GRM8: variants seen among roughly 807,000 people sequenced by gnomAD.
The protein encoded by GRM8 is metabotropic glutamate receptor 8.
A neutral mutation model predicts 87.2 loss-of-function variants in GRM8; 47 were observed. The ratio of observed to expected loss-of-function variants is 0.54; its 90% confidence interval spans 0.43 to 0.69. GRM8 has a LOEUF of 0.69. Among genes scored for constraint, GRM8 ranks in the 30% least tolerant of loss-of-function variants. GRM8 has a pLI of 0.00. For missense variants in GRM8, 1,019 were observed against 1,139.2 expected (o/e 0.89, Z 1.52); for synonymous variants, 396 against 404.5 (o/e 0.98, Z 0.25).
chr7:126,932,480 G>A (rs1805862768), intron 3 of GRM8, among the ~76,000 whole-genome samples: 1 of 152,158 alleles, frequency 6.6e-6, no homozygotes, highest in Non-Finnish European at 1.5e-5. Flanking sequence ...ACGTTCCTGT[G>A]TATCCATGGT....
chr7:126,475,994 C>A (rs183917071), intron 9 of GRM8, among the ~76,000 whole-genome samples: 16 of 152,146 alleles, frequency 1.1e-4, no homozygotes, highest in Admixed American at 8.5e-4. Flanking sequence ...TGACCTGAAA[C>A]CTTAAAACTC....
chr7:126,528,734 G>A (rs149579043), intron 9 of GRM8, among the ~76,000 whole-genome samples: 2 of 152,134 alleles, frequency 1.3e-5, no homozygotes, highest in African/African-American at 4.8e-5. Context: ...GAACAGGGCT[G>A]GGGGTGATGG....
intron 6 of GRM8, among the ~76,000 whole-genome samples, chr7:126,841,927 C>T (rs952018044): frequency 1.3e-5 from 2 of 152,156 alleles, no homozygotes; most frequent in African/African-American, 2.4e-5. Flanking sequence ...CCACCGTGAC[C>T]GGCCCCAGCC....
At chr7:126,735,882 C>T (rs771256246) in intron 7 of GRM8, among the ~76,000 whole-genome samples, 63 of 152,072 alleles carry the variant, frequency 4.1e-4, no homozygotes, top group Admixed American at 2.4e-3. Flanking sequence ...AGCTGGAAGC[C>T]GAAGCAGGGA....
Position 126,685,206 on chromosome 7 carries a change from A to G in GRM8, c.1358-75708T>C, listed in dbSNP as rs531627017. On this transcript the variant is annotated intron_variant, in intron 7 of 10. Transcript: ENST00000339582. This position sits in a 1 kb window ranked among gnomAD's most constrained non-coding sequence, Gnocchi z 4.2. ...AGTCCCTAGAGACTTCCCCTGGGGG[A>G]CCCCCTGGAGCCTACCACCCTGGGG... 3.3e-4 allele frequency among the ~76,000 whole-genome samples: 50 copies of G among 151,882 alleles called. No homozygotes were observed. The highest frequency in any genetic ancestry group is 9.4e-4 in the African/African-American group (39 of 41,414).
At chr7:126,672,395 A>C (rs2151308951) in intron 7 of GRM8, among the ~76,000 whole-genome samples, 1 of 152,284 alleles carries the variant, frequency 6.6e-6, no homozygotes, top group Admixed American at 6.5e-5. Flanking sequence ...CCCTTTTTCT[A>C]GATGGGTAGC....
intron 2 of GRM8, among the ~76,000 whole-genome samples, chr7:127,238,134 G>A (rs1798081764): frequency 1.3e-5 from 2 of 152,058 alleles, no homozygotes; most frequent in African/African-American, 2.4e-5. Context: ...CTGAGGTGTC[G>A]TTTATACCTC....
intron 2 of GRM8, among the ~76,000 whole-genome samples, chr7:127,114,554 A>G (rs1171616633): frequency 6.6e-6 from 1 of 152,156 alleles, no homozygotes; most frequent in Non-Finnish European, 1.5e-5. Context: ...TCCTCTCACA[A>G]ACACAGAGCA....
intron 2 of GRM8, among the ~76,000 whole-genome samples, chr7:127,167,787 C>T (rs566987732): frequency 1.4e-4 from 21 of 152,188 alleles, no homozygotes; most frequent in African/African-American, 4.6e-4. Flanking sequence ...CCCTCAGACA[C>T]AAGATTAAAA....
At chr7:127,057,940 A>T (rs533407121) in intron 3 of GRM8, 2 of 216,678 alleles carry the variant, frequency 9.2e-6, no homozygotes, top group African/African-American at 2.4e-5. Context: ...ATACAAATTT[A>T]AAAAGAGCCA....
At chr7:127,014,521 G>T (rs142928354) in intron 3 of GRM8, among the ~76,000 whole-genome samples, 39 of 152,152 alleles carry the variant, frequency 2.6e-4, no homozygotes, top group African/African-American at 9.4e-4. Context: ...TAAACTCTCA[G>T]TGCCTCAGTT....
chr7:126,594,400 T>C (rs765852852), intron 8 of GRM8, among the ~76,000 whole-genome samples: 1 of 152,016 alleles, frequency 6.6e-6, no homozygotes, highest in Non-Finnish European at 1.5e-5. Flanking sequence ...GGAATACTGT[T>C]TATCCATAAA....
chr7:126,544,548 T>C (rs1331454719), intron 8 of GRM8, among the ~76,000 whole-genome samples: 1 of 152,022 alleles, frequency 6.6e-6, no homozygotes, highest in Admixed American at 6.6e-5. Flanking sequence ...TCTCACTCTG[T>C]TGCCCAGGCT....
chr7:126,533,168 T>C lies in GRM8; in HGVS notation c.2214A>G (p.Gly738=). The part of the protein sequence containing the change: ...QRTLDPEKAR[G]VLKCDISDLS... ...GATCAGAAATGTCACACTTGAGCACTCCCCTGGCCTTCTCTGGATCTAGTG... is the reference window on the plus strand; with the variant it reads ...GATCAGAAATGTCACACTTGAGCACCCCCCTGGCCTTCTCTGGATCTAGTG... Residue 738 remains glycine (G), a synonymous_variant, in exon 9 of 11, where the codon GGA becomes GGG. Coordinates refer to ENST00000339582, the MANE Select transcript of GRM8 (RefSeq NM_000845.3). 2 of 1,612,424 alleles carry C rather than the reference T, an allele frequency of 1.2e-6. No homozygotes were observed. The highest frequency in any genetic ancestry group is 1.7e-6 in the Non-Finnish European group (2 of 1,179,554).
At chr7:126,646,255 G>GA (rs1803043637) in intron 7 of GRM8, among the ~76,000 whole-genome samples, 1 of 149,784 alleles carries the variant, frequency 6.7e-6, no homozygotes, top group East Asian at 1.9e-4. Flanking sequence ...AAGAGAGAAG[G>GA]AGGGAAAGAA....
chr7:126,885,708 C>A (rs1050397728), intron 6 of GRM8, among the ~76,000 whole-genome samples: 1 of 152,032 alleles, frequency 6.6e-6, no homozygotes, highest in East Asian at 1.9e-4. Context: ...TATAACAAAT[C>A]TGATTTAATT....
intron 9 of GRM8, among the ~76,000 whole-genome samples, chr7:126,478,228 C>A (rs1372427272): frequency 1.3e-5 from 2 of 152,146 alleles, no homozygotes; most frequent in Admixed American, 6.6e-5. Context: ...TTGCTTTATC[C>A]TTTCTTGCCT....
chr7:126,814,423 A>AG (rs1444747404), intron 6 of GRM8, among the ~76,000 whole-genome samples: 1 of 152,110 alleles, frequency 6.6e-6, no homozygotes, highest in Admixed American at 6.6e-5. Context: ...TCATAACTAA[A>AG]GAAGCAATTC....
At chr7:127,129,854 C>T (rs527519125) in intron 2 of GRM8, among the ~76,000 whole-genome samples, 2 of 152,268 alleles carry the variant, frequency 1.3e-5, no homozygotes, top group Admixed American at 1.3e-4. Context: ...GCTATTCAAT[C>T]TCTGAGTCAT....
Sources: allele counts gnomAD v4.1 joint callset (sites outside exome capture counted in the v4.1 genomes callset), GRCh38; gene constraint gnomAD v4.1.1; non-coding constraint Gnocchi (gnomAD v3.1); transcripts MANE v1.5; gene names NCBI Gene and HGNC (gene_info 2026-07-23, HGNC 2026-07-21).